Variants in TNFAIP6 observed in about 807,000 individuals in gnomAD.
TNFAIP6 encodes TNF alpha induced protein 6.
A neutral mutation model predicts 33.7 loss-of-function variants in TNFAIP6; 36 were observed. The ratio of observed to expected loss-of-function variants is 1.07; its 90% CI spans 0.82 to 1.41. The LOEUF is 1.41. Ranked by LOEUF, TNFAIP6 falls within the 40% of genes most tolerant of loss-of-function variation. The probability of loss-of-function intolerance (pLI) is 0.00; values close to 1 mark genes in which losing one functional copy is unlikely to be tolerated. For synonymous variants in TNFAIP6, 113 were observed against 112.8 expected (o/e 1.00, Z -0.01); for missense variants, 273 against 331.9 (o/e 0.82, Z 1.38).
At position 151,367,111 on chromosome 2, in the gene TNFAIP6, G is replaced by T. The variant is rs1299073531; in HGVS notation, c.394+894G>T. 3.3e-5 allele frequency among the ~76,000 whole-genome samples: 5 copies of T among 152,176 alleles called. No homozygotes were observed. The East Asian group carries it at 9.7e-4, about 29-fold the overall frequency. On this transcript the variant is annotated intron_variant, in intron 3 of 5. Transcript: ENST00000243347. ...AGGAGAGTTACATAGTGAGGTTTTA[G>T]TGTATTATTATAAAATCTATTATTT... is the stretch of plus-strand genomic sequence containing the variant.
chr2:151,366,751 A>G (rs1344013545), intron 3 of TNFAIP6, among the ~76,000 whole-genome samples: 1 of 152,192 alleles, frequency 6.6e-6, no homozygotes, highest in Non-Finnish European at 1.5e-5. Context: ...TATATATGCT[A>G]GTACTTCCAA....
At chr2:151,377,040 T>A (rs1684923980) in intron 5 of TNFAIP6, among the ~76,000 whole-genome samples, 1 of 152,046 alleles carries the variant, frequency 6.6e-6, no homozygotes, top group African/African-American at 2.4e-5. Context: ...GGTTTTGCTA[T>A]GTTGCCTAGG....
At chr2:151,377,153 A>ATTTTCTTTTC (rs746527797) in intron 5 of TNFAIP6, among the ~76,000 whole-genome samples, 3 of 141,124 alleles carry the variant, frequency 2.1e-5, no homozygotes, top group South Asian at 4.5e-4. Flanking sequence ...CCCAATTTAC[A>ATTTTCTTTTC]TTTTCTTTTC....
intron 1 of TNFAIP6, among the ~76,000 whole-genome samples, chr2:151,360,822 A>T (rs1329622561): frequency 6.6e-6 from 1 of 152,132 alleles, no homozygotes; most frequent in Non-Finnish European, 1.5e-5. Context: ...GACAAGTTTC[A>T]GTAGGTACCA....
intron 5 of TNFAIP6, among the ~76,000 whole-genome samples, chr2:151,377,429 A>G (rs959739303): frequency 5.3e-5 from 8 of 152,042 alleles, no homozygotes; most frequent in African/African-American, 9.7e-5. Flanking sequence ...TCGGCCTCCC[A>G]AAGTGCTAGG....
At position 151,366,206 on chromosome 2, in the gene TNFAIP6, A is replaced by G; in HGVS notation, c.383A>G (p.Tyr128Cys). The change falls in exon 3 of 6, where the codon TAC becomes TGC. Residue 128 changes from tyrosine to cysteine, a missense_variant. Coordinates refer to ENST00000243347, the MANE Select transcript of TNFAIP6 (RefSeq NM_007115.4). ...AGTGAAAGATGGGATGCCTATTGCT[A>G]CAACCCACACGGTGTGTTAAAAATA... ...NRSERWDAYC[Y>C]NPHAKECGGV... 6.2e-7 allele frequency: 1 copy of G among 1,614,146 alleles called. No homozygotes were observed. Among genetic ancestry groups the G allele is most frequent in the Non-Finnish European group, 8.5e-7 (1 of 1,179,980 alleles).
intron 1 of TNFAIP6, among the ~76,000 whole-genome samples, chr2:151,362,492 T>G (rs1324061701): frequency 0.059 from 6,445 of 109,624 alleles, 284 homozygotes; most frequent in South Asian, 0.14. Flanking sequence ...TTTTTTTTTT[T>G]TTTTTTTTTT....
chr2:151,363,415 T>C (rs148504574), intron 1 of TNFAIP6, among the ~76,000 whole-genome samples: 1,987 of 151,964 alleles, frequency 0.013, 20 homozygotes, highest in Non-Finnish European at 0.019. Flanking sequence ...CCCAGCACTT[T>C]GGGAGGCCGA....
chr2:151,379,293 G>A, intron 5 of TNFAIP6, 71 bp from the exon 6 acceptor site: 1 of 1,331,360 alleles, frequency 7.5e-7, no homozygotes, highest in East Asian at 2.5e-5. Flanking sequence ...TGAGAATGAA[G>A]AGTCTTTGAA....
At chr2:151,363,552 T>C (rs1279472259) in intron 1 of TNFAIP6, among the ~76,000 whole-genome samples, 2 of 147,622 alleles carry the variant, frequency 1.4e-5, no homozygotes, top group African/African-American at 5.0e-5. Flanking sequence ...GTCCCAGCTA[T>C]TCGGGAGGCT....
At chr2:151,369,880 T>C (rs1171619316) in intron 3 of TNFAIP6, 140 bp from the exon 4 acceptor site, 3 of 617,342 alleles carry the variant, frequency 4.9e-6, no homozygotes, top group Non-Finnish European at 8.3e-6. Flanking sequence ...AAAGCATACA[T>C]AATATACCAT....
At chr2:151,380,327 C>T (rs968843525), downstream of TNFAIP6, among the ~76,000 whole-genome samples, 1 of 151,600 alleles carries the variant, frequency 6.6e-6, no homozygotes, top group Non-Finnish European at 1.5e-5. Flanking sequence ...CCATGTTTGT[C>T]ATATATGCTG....
intron 1 of TNFAIP6, among the ~76,000 whole-genome samples, chr2:151,362,749 C>G (rs1045690605): frequency 2.0e-5 from 3 of 152,048 alleles, no homozygotes; most frequent in African/African-American, 7.2e-5. Context: ...CTCGGCCTCC[C>G]GAAGTGTTGG....
intron 5 of TNFAIP6, among the ~76,000 whole-genome samples, chr2:151,375,377 T>C (rs1160973035): frequency 6.6e-6 from 1 of 151,760 alleles, no homozygotes; most frequent in African/African-American, 2.4e-5. Flanking sequence ...TACAAAGTAA[T>C]AGAAAAAGAA....
intron 4 of TNFAIP6, among the ~76,000 whole-genome samples, chr2:151,370,865 G>A (rs1684804987): frequency 6.6e-6 from 1 of 152,204 alleles, no homozygotes; most frequent in African/African-American, 2.4e-5. Context: ...GAGGTCAGGA[G>A]TTCAAGACCA....
In TNFAIP6 at chr2:151,370,234, T is replaced by C. The variant is rs779525554; in HGVS notation, c.609T>C (p.His203=). 3 of 1,613,762 alleles carry C rather than the reference T, an allele frequency of 1.9e-6. No individual in the cohort carries two copies. In the African/African-American group the frequency reaches 4.0e-5, roughly 22 times the overall value. The part of the protein sequence containing the change: ...VEIYDSYDDV[H]GFVGRYCGDE... ...TATATGACAGTTACGATGATGTCCA[T>C]GGCTTTGTGGGAAGGTACGTATGGG... The change falls in exon 4 of 6, where the codon CAT becomes CAC. Residue 203 remains histidine, a synonymous_variant. Transcript: ENST00000243347.
chr2:151,372,122 A>G (rs1684825892), intron 4 of TNFAIP6: 1 of 152,196 alleles, frequency 6.6e-6, no homozygotes, highest in Admixed American at 6.5e-5. Flanking sequence ...AGCAGCATCA[A>G]TATGATGACC....
intron 1 of TNFAIP6, among the ~76,000 whole-genome samples, chr2:151,363,285 G>A (rs1684658302): frequency 6.6e-6 from 1 of 151,766 alleles, no homozygotes; most frequent in Non-Finnish European, 1.5e-5. Context: ...CAGCCTGGGC[G>A]ACAGAGTGAG....
chr2:151,377,388 C>G (rs1026615426), intron 5 of TNFAIP6, among the ~76,000 whole-genome samples: 2 of 151,530 alleles, frequency 1.3e-5, no homozygotes, highest in Non-Finnish European at 2.9e-5. Flanking sequence ...CCAGGATGCT[C>G]TCAATCTTCT....
Sources: allele counts gnomAD v4.1 joint callset (sites outside exome capture counted in the v4.1 genomes callset), GRCh38; gene constraint gnomAD v4.1.1; transcripts MANE v1.5; gene names NCBI Gene and HGNC (gene_info 2026-07-23, HGNC 2026-07-21).